The following AP2S1 variants were observed in gnomAD, a reference collection of about 807,000 sequenced individuals.
AP2S1 encodes adaptor related protein complex 2 subunit sigma 1, also known as AP-2 complex subunit sigma.
AP2S1 carries 6 observed loss-of-function variants against 21.0 expected under a neutral mutation model. The observed-to-expected ratio is 0.29, with a 90% CI of 0.16 to 0.56. The LOEUF is 0.56. Ranked by LOEUF, AP2S1 falls within the 20% of genes least tolerant of loss-of-function variation. The probability of loss-of-function intolerance (pLI) is 0.92; values close to 1 mark genes in which losing one functional copy is unlikely to be tolerated. For missense variants in AP2S1, 60 were observed against 186.2 expected (o/e 0.32, Z 3.95); for synonymous variants, 63 against 74.6 (o/e 0.84, Z 0.80).
rs758252458 is a variant in AP2S1 at position 46,850,722 on chromosome 19, G to C, written c.3+42C>G. 1.0e-5 allele frequency: 15 copies of C among 1,498,206 alleles called. 1 individual carries two copies. The highest frequency in any genetic ancestry group is 9.0e-5 in the South Asian group (8 of 88,634). 92.8% of individuals were successfully genotyped at this position (1,498,206 alleles called of 1,614,324 possible). On this transcript the variant is annotated intron_variant, in intron 1 of 4. Coordinates refer to ENST00000263270, the MANE Select transcript of AP2S1 (RefSeq NM_004069.6). ...TCCAGCCTCGGCTATTTACGCGTGGGCCCCCCCTCCGCCAGTCCCCGGCGT... is the reference window on the plus strand; with the variant it reads ...TCCAGCCTCGGCTATTTACGCGTGGCCCCCCCCTCCGCCAGTCCCCGGCGT...
intron 3 of AP2S1, 39 bp downstream of exon 3, chr19:46,839,426 C>T: frequency 7.9e-6 from 8 of 1,008,690 alleles, no homozygotes; most frequent in Non-Finnish European, 1.1e-5. Context: ...CCAGGGCTGC[C>T]CACCCGCCTC....
intron 2 of AP2S1, among the ~76,000 whole-genome samples, chr19:46,842,405 C>T (rs2055539130): frequency 6.6e-6 from 1 of 152,140 alleles, no homozygotes; most frequent in Non-Finnish European, 1.5e-5. Flanking sequence ...CAAAGCAGCA[C>T]AAGGCTGTCT....
chr19:46,839,424 GC>G, intron 3 of AP2S1, 40 bp downstream of exon 3: 1 of 1,504,458 alleles, frequency 6.6e-7, no homozygotes, highest in Non-Finnish European at 9.2e-7. Flanking sequence ...CTCCAGGGCT[GC>G]CCACCCGCCT....
intron 1 of AP2S1, among the ~76,000 whole-genome samples, chr19:46,848,316 G>T (rs976552356): frequency 1.3e-5 from 2 of 152,218 alleles, no homozygotes; most frequent in East Asian, 3.9e-4. Context: ...GGAGGCAGAG[G>T]TTGCAGTGAG....
chr19:46,841,582 G>A (rs530488512), intron 2 of AP2S1, among the ~76,000 whole-genome samples: 46 of 152,276 alleles, frequency 3.0e-4, no homozygotes, highest in Admixed American at 1.2e-3. Context: ...ACTGCTGGTC[G>A]CCACTGTCTG....
intron 1 of AP2S1, among the ~76,000 whole-genome samples, chr19:46,846,983 G>T (rs898958006): frequency 6.6e-6 from 1 of 151,830 alleles, no homozygotes; most frequent in African/African-American, 2.4e-5. Flanking sequence ...TTTTTTTAAA[G>T]GTTAAAAAAA....
At chr19:46,845,693 T>A in intron 2 of AP2S1, 1 of 229,760 alleles carries the variant, frequency 4.4e-6, no homozygotes, top group East Asian at 8.9e-5. Context: ...GCAAAAAAAA[T>A]TAATAATAAC....
At chr19:46,840,407 C>T (rs570512876) in intron 2 of AP2S1, among the ~76,000 whole-genome samples, 42 of 149,972 alleles carry the variant, frequency 2.8e-4, no homozygotes, top group South Asian at 1.7e-3. Flanking sequence ...TCCAGGAGGC[C>T]GGGCGAGAGG....
At chr19:46,849,619 C>T (rs1281172047) in intron 1 of AP2S1, among the ~76,000 whole-genome samples, 1 of 152,122 alleles carries the variant, frequency 6.6e-6, no homozygotes, top group Non-Finnish European at 1.5e-5. Flanking sequence ...GTTTTCTTCC[C>T]ATTTGGAATC....
chr19:46,850,540 C>T, intron 1 of AP2S1: 1 of 618,634 alleles, frequency 1.6e-6, no homozygotes, highest in Non-Finnish European at 2.7e-6. Flanking sequence ...CCTTGGAACA[C>T]CACCCCCAAT....
At chr19:46,845,014 T>C (rs1002539804) in intron 2 of AP2S1, among the ~76,000 whole-genome samples, 4 of 142,074 alleles carry the variant, frequency 2.8e-5, no homozygotes, top group Admixed American at 1.5e-4. Flanking sequence ...AGGCAGAGAA[T>C]AGCTTGAACC....
chr19:46,840,716 C>T (rs961568264), intron 2 of AP2S1, among the ~76,000 whole-genome samples: 3 of 137,196 alleles, frequency 2.2e-5, no homozygotes, highest in African/African-American at 8.6e-5. Context: ...CATCAGTCTT[C>T]GGCATTTTTT....
At chr19:46,850,336 T>TCCCTC in intron 1 of AP2S1, 1 of 1,241,528 alleles carries the variant, frequency 8.1e-7, no homozygotes, top group Admixed American at 4.1e-5. Flanking sequence ...CAAGAAAACC[T>TCCCTC]CCCTCCCCTT....
rs954812352 is a variant in AP2S1, at chr19:46,838,927, GAGAC to G, written c.268-132_268-129del. The G allele has an allele frequency of 2.7e-6, 2 of 753,090 alleles. No homozygotes were observed. Among genetic ancestry groups the G allele is most frequent in the African/African-American group, 3.5e-5 (2 of 57,104 alleles). 46.7% of individuals were successfully genotyped at this position (753,090 alleles called of 1,614,324 possible). A position where few individuals can be genotyped will look rare whatever the true frequency, so the allele number is the denominator to read the frequency against. On this transcript the variant is annotated intron_variant, in intron 3 of 4. Coordinates refer to ENST00000263270, the MANE Select transcript of AP2S1 (RefSeq NM_004069.6). This position sits in a 1 kb window ranked among gnomAD's most constrained non-coding sequence, Gnocchi z 4.1. Reference sequence around the variant, plus strand: ...CCAAGGGGGAGGCAGGGGAGAGAGAGAGACAGTGACAGGGAGAGAGGCAAGGAGA... The same window carrying G: ...CCAAGGGGGAGGCAGGGGAGAGAGAGAGTGACAGGGAGAGAGGCAAGGAGA...
In AP2S1 at chr19:46,845,827, T is replaced by C. The variant is rs1568448375; in HGVS notation, c.153+166A>G. 3 of 821,718 alleles carry C rather than the reference T, an allele frequency of 3.7e-6. No individual in the cohort carries two copies. The East Asian group carries it at 8.1e-5, about 22-fold the overall frequency. The allele number at this position is 821,718 out of a possible 1,614,324, so 50.9% of individuals were successfully genotyped here. ...GTTTATGATTTTTCACAATGAAAAG[T>C]ACAAGTAAAGGAAGGGAAGAAGCAA... On this transcript the variant is annotated intron_variant, in intron 2 of 4. Transcript: ENST00000263270.
At chr19:46,846,919 G>C (rs1354641010) in intron 1 of AP2S1, among the ~76,000 whole-genome samples, 2 of 152,156 alleles carry the variant, frequency 1.3e-5, no homozygotes, top group East Asian at 3.9e-4. Flanking sequence ...GCCCGCCTCT[G>C]CCTCCCAAAG....
intron 1 of AP2S1, chr19:46,850,183 A>AT: frequency 8.1e-7 from 1 of 1,232,362 alleles, no homozygotes; most frequent in African/African-American, 1.6e-5. Context: ...CTTAAGTTTC[A>AT]TTCCCTACAG....
intron 1 of AP2S1, among the ~76,000 whole-genome samples, chr19:46,846,596 G>A (rs2055639577): frequency 6.6e-6 from 1 of 151,838 alleles, no homozygotes. Context: ...CTCTAGGCCT[G>A]TTTCCTCACC....
intron 1 of AP2S1, 68 bp from the exon 2 acceptor site, chr19:46,846,210 G>T: frequency 6.3e-7 from 1 of 1,576,636 alleles, no homozygotes; most frequent in South Asian, 1.1e-5. Context: ...GCTGCCCAAC[G>T]GCCCCACCCA....
Sources: gnomAD v4.1 joint callset for allele counts (sites outside exome capture counted in the v4.1 genomes callset) on GRCh38, gnomAD v4.1.1 for gene constraint, Gnocchi (gnomAD v3.1) non-coding constraint, MANE v1.5 for transcripts, NCBI Gene and HGNC (gene_info 2026-07-23, HGNC 2026-07-21) for gene names.